USP38: variants seen among roughly 807,000 people sequenced by gnomAD.
USP38 encodes the protein ubiquitin carboxyl-terminal hydrolase 38.
Under a neutral mutation model 94.3 loss-of-function variants are expected in USP38, and 49 were observed. The ratio of observed to expected loss-of-function variants is 0.52; its 90% CI spans 0.41 to 0.66. USP38 has a LOEUF of 0.66. Among genes scored for constraint, USP38 ranks in the 30% least tolerant of loss-of-function variants. USP38 has a pLI of 0.00. For missense variants in USP38, 1,128 were observed against 1,229.4 expected, an observed-to-expected ratio of 0.92 and a Z score of 1.23; for synonymous variants, 468 against 463.6, an observed-to-expected ratio of 1.01 and a Z score of -0.12.
chr4:143,196,002 G>T (rs1443082148), intron 3 of USP38, among the ~76,000 whole-genome samples, 157 bp downstream of exon 3: 2 of 152,044 alleles, frequency 1.3e-5, no homozygotes, highest in African/African-American at 2.4e-5. Context: ...TTTTTTAAAT[G>T]TCATTTAAAT....
chr4:143,212,509 A>G, intron 8 of USP38, 85 bp downstream of exon 8: 2 of 746,158 alleles, frequency 2.7e-6, no homozygotes, highest in Non-Finnish European at 4.1e-6. Flanking sequence ...ACCTTTAAAA[A>G]CATATTTCAA....
intron 1 of USP38, 71 bp downstream of exon 1, chr4:143,186,203 C>A: frequency 6.8e-7 from 1 of 1,463,946 alleles, no homozygotes; most frequent in Non-Finnish European, 9.4e-7. Context: ...CACACATTCA[C>A]ACCATGTTTT....
At position 143,197,687 on chromosome 4, in the gene USP38, AATAAT is replaced by A. The variant is rs1731591727; in HGVS notation, c.949-131_949-127del. The A allele has an allele frequency of 5.0e-6, 3 of 599,532 alleles. 1 individual carries two copies. The highest frequency in any genetic ancestry group is 4.7e-5 in the South Asian group (2 of 42,780). 37.1% of individuals were successfully genotyped at this position (599,532 alleles called of 1,614,324 possible). On this transcript the variant is annotated intron_variant, in intron 3 of 9. Coordinates refer to ENST00000307017, the MANE Select transcript of USP38 (RefSeq NM_032557.6). ...TAACTTCATCCTTCTCCCAAAGTTT[AATAAT>A]ATAAGTTATGTTAGAACTTTCCAGA...
intron 2 of USP38, among the ~76,000 whole-genome samples, chr4:143,191,963 T>C (rs904925688): frequency 2.6e-5 from 4 of 152,212 alleles, no homozygotes; most frequent in African/African-American, 9.7e-5. Flanking sequence ...CTCAGACATG[T>C]GCAAGTCCAA....
At chr4:143,207,060 AGT>A (rs1256817669) in intron 6 of USP38, among the ~76,000 whole-genome samples, 2 of 152,238 alleles carry the variant, frequency 1.3e-5, no homozygotes, top group Admixed American at 1.3e-4. Context: ...AGAAGTTGTT[AGT>A]TATGTGAATG....
chr4:143,203,646 T>C (rs1346729057), intron 5 of USP38, 80 bp downstream of exon 5: 2 of 1,424,268 alleles, frequency 1.4e-6, no homozygotes, highest in Non-Finnish European at 1.9e-6. Flanking sequence ...AGCTACTCAA[T>C]TTACTATTTT....
At position 143,214,129 on chromosome 4, in the gene USP38, T is replaced by A; in HGVS notation, c.2153T>A (p.Val718Glu). ...QKPGGETTPS[V>E]TDLLNYFLAP... ...CCAGGAGGTGAAACCACACCTTCAG[T>A]AACTGACTTACTAAATTATTTTTTG... Residue 718 changes from valine (V) to glutamate (E), a missense_variant, in exon 9 of 10, where the codon GTA (valine) becomes GAA (glutamate). Transcript: ENST00000307017. 6.2e-7 allele frequency: 1 copy of A among 1,612,956 alleles called. No homozygotes were observed. The highest frequency in any genetic ancestry group is 8.5e-7 in the Non-Finnish European group (1 of 1,179,632).
At chr4:143,207,699 T>C (rs778389896) in intron 6 of USP38, among the ~76,000 whole-genome samples, 4 of 151,672 alleles carry the variant, frequency 2.6e-5, no homozygotes, top group Non-Finnish European at 5.9e-5. Flanking sequence ...GCTATATCTT[T>C]AGACACAAGT....
At position 143,214,133 on chromosome 4, in the gene USP38, T is replaced by G; in HGVS notation, c.2157T>G (p.Thr719=). The change falls in exon 9 of 10, where the codon ACT becomes ACG. Residue 719 remains threonine, a synonymous_variant. Transcript: ENST00000307017. ...GAGGTGAAACCACACCTTCAGTAAC[T>G]GACTTACTAAATTATTTTTTGGCTC... The part of the protein sequence containing the change: ...KPGGETTPSV[T]DLLNYFLAPE... 6.2e-7 allele frequency: 1 copy of G among 1,612,886 alleles called. No individual in the cohort carries two copies. The highest frequency in any genetic ancestry group is 8.5e-7 in the Non-Finnish European group (1 of 1,179,608).
chr4:143,220,175 G>A, intron 9 of USP38, 120 bp from the exon 10 acceptor site: 1 of 1,131,964 alleles, frequency 8.8e-7, no homozygotes, highest in Non-Finnish European at 1.2e-6. Context: ...TAGTTTCAAA[G>A]TTATTGAGAT....
intron 2 of USP38, among the ~76,000 whole-genome samples, chr4:143,191,705 C>T (rs1179633724): frequency 6.6e-6 from 1 of 152,080 alleles, no homozygotes; most frequent in African/African-American, 2.4e-5. Context: ...TGCTGGGAAT[C>T]CAAAGATATA....
intron 7 of USP38, among the ~76,000 whole-genome samples, chr4:143,211,767 A>G (rs146414647): frequency 5.3e-5 from 8 of 152,182 alleles, no homozygotes; most frequent in African/African-American, 1.9e-4. Context: ...CAGCCTCTAT[A>G]CTTTAAAACA....
At position 143,221,973 on chromosome 4, in the gene USP38, A is replaced by G. The variant is rs995191552; in HGVS notation, c.*1517A>G. The G allele has an allele frequency of 6.6e-6, 1 of 152,032 alleles. No individual in the cohort carries two copies. Among genetic ancestry groups the G allele is most frequent in the Non-Finnish European group, 1.5e-5 (1 of 67,928 alleles). The allele number at this position is 152,032 out of a possible 1,614,324, so 9.4% of individuals were successfully genotyped here. A position where few individuals can be genotyped will look rare whatever the true frequency, so the allele number is the denominator to read the frequency against. ...TTAATGAAGGTTCTCCTCCTTATAA[A>G]TGAATGAACCAGTTATCATGCTTTT... On this transcript the variant is annotated 3_prime_UTR_variant, in exon 10 of 10. Transcript: ENST00000307017.
intron 4 of USP38, among the ~76,000 whole-genome samples, chr4:143,202,852 T>C (rs1731755718): frequency 6.6e-6 from 1 of 152,116 alleles, no homozygotes; most frequent in Non-Finnish European, 1.5e-5. Flanking sequence ...TTAGTAAGAA[T>C]AGCCACTCTA....
chr4:143,213,760 G>A lies in USP38; in HGVS notation c.1784G>A (p.Arg595Gln), dbSNP rs1393709707. The A allele has an allele frequency of 8.7e-6, 14 of 1,613,574 alleles. No homozygotes were observed. Among genetic ancestry groups the A allele is most frequent in the East Asian group, 6.7e-5 (3 of 44,864 alleles). ...LIEKMFGGKL[R>Q]THIRCLNCRS... ...GAAAAAATGTTTGGAGGAAAACTAC[G>A]AACTCACATACGTTGTTTGAACTGC... The change falls in exon 9 of 10, where the codon CGA becomes CAA. Residue 595 changes from arginine (R) to glutamine (Q), a missense_variant. Arg to Gln is a conservative substitution (Grantham distance 43, BLOSUM62 1). Coordinates refer to ENST00000307017, the MANE Select transcript of USP38 (RefSeq NM_032557.6).
rs763729621 is a variant in USP38, at chr4:143,185,764, A to T, written c.314A>T (p.Asp105Val). The change falls in exon 1 of 10, where the codon GAC becomes GTC. Residue 105 changes from aspartate to valine, a missense_variant. By Grantham distance (152) the Asp-to-Val change is radical. Coordinates refer to ENST00000307017, the MANE Select transcript of USP38 (RefSeq NM_032557.6). Reference protein sequence around the residue: ...SLDRKDVAILDYIHNGLKLIM... With the variant: ...SLDRKDVAILVYIHNGLKLIM... ...GACAGGAAGGATGTAGCCATCCTGG[A>T]CTACATTCACAACGGCCTGAAGCTG... 1.2e-6 allele frequency: 2 copies of T among 1,614,154 alleles called. No individual in the cohort carries two copies. The highest frequency in any genetic ancestry group is 8.5e-7 in the Non-Finnish European group (1 of 1,180,016).
chr4:143,212,722 ATT>A (rs1732062303), intron 8 of USP38, among the ~76,000 whole-genome samples: 1 of 152,060 alleles, frequency 6.6e-6, no homozygotes, highest in Admixed American at 6.6e-5. Context: ...GTGAGGCCAG[ATT>A]TTCTTTATAT....
Position 143,221,067 on chromosome 4 carries a change from A to G in USP38, c.*611A>G, listed in dbSNP as rs1464275503. On this transcript the variant is annotated 3_prime_UTR_variant, in exon 10 of 10. Transcript: ENST00000307017. ...AGGATTCTTTATACATATGTGCTGA[A>G]TTGATTTTAAGAAAGTTGCATGATC... 1 of 152,616 alleles carries G rather than the reference A, an allele frequency of 6.6e-6. No individual in the cohort carries two copies. Among genetic ancestry groups the G allele is most frequent in the African/African-American group, 2.4e-5 (1 of 41,472 alleles). 9.5% of individuals were successfully genotyped at this position (152,616 alleles called of 1,614,324 possible).
At chr4:143,217,558 T>A (rs1732216961) in intron 9 of USP38, among the ~76,000 whole-genome samples, 1 of 152,172 alleles carries the variant, frequency 6.6e-6, no homozygotes, top group South Asian at 2.1e-4. Flanking sequence ...TGCTAATGAA[T>A]TTACCATTTT....
Sources: gnomAD v4.1 joint callset for allele counts (sites outside exome capture counted in the v4.1 genomes callset) on GRCh38, gnomAD v4.1.1 for gene constraint, MANE v1.5 for transcripts, NCBI Gene and HGNC (gene_info 2026-07-23, HGNC 2026-07-21) for gene names.